The following ZC2HC1A variants were observed in gnomAD, a reference collection of about 807,000 sequenced individuals.
ZC2HC1A encodes zinc finger C2HC domain-containing protein 1A.
ZC2HC1A carries 28 observed loss-of-function variants against 40.7 expected under a neutral mutation model. The ratio of observed to expected loss-of-function variants is 0.69; its 90% CI spans 0.51 to 0.94. The LOEUF is 0.94. ZC2HC1A is among the 40% of genes least tolerant of loss of function. The pLI is 0.00. For missense variants in ZC2HC1A, 389 were observed against 386.3 expected, an observed-to-expected ratio of 1.01 and a Z score of -0.06; for synonymous variants, 129 against 129.2, an observed-to-expected ratio of 1.00 and a Z score of 0.01.
chr8:78,705,454 G>A (rs746176020), intron 7 of ZC2HC1A, among the ~76,000 whole-genome samples: 1 of 152,156 alleles, frequency 6.6e-6, no homozygotes, highest in African/African-American at 2.4e-5. Context: ...CTCCTCCTGG[G>A]AGCTTCATTT....
At chr8:78,694,919 G>A (rs1347180410) in intron 5 of ZC2HC1A, among the ~76,000 whole-genome samples, 1 of 152,050 alleles carries the variant, frequency 6.6e-6, no homozygotes, top group African/African-American at 2.4e-5. Context: ...AAAATTGTTG[G>A]TTGATAGAGT....
At chr8:78,672,296 C>T (rs1346187641) in intron 1 of ZC2HC1A, among the ~76,000 whole-genome samples, 1 of 152,034 alleles carries the variant, frequency 6.6e-6, no homozygotes. Flanking sequence ...AAAGGTACAG[C>T]CACTTTATTA....
chr8:78,670,590 A>T (rs1030963211), intron 1 of ZC2HC1A, among the ~76,000 whole-genome samples: 1 of 152,208 alleles, frequency 6.6e-6, no homozygotes, highest in African/African-American at 2.4e-5. Context: ...GATAATTCCT[A>T]GTATAAATGA....
intron 7 of ZC2HC1A, among the ~76,000 whole-genome samples, chr8:78,703,949 C>T (rs1260953105): frequency 1.3e-5 from 2 of 152,072 alleles, no homozygotes; most frequent in Non-Finnish European, 2.9e-5. Context: ...TTTAGTGCTT[C>T]CTTCAGGAGC....
intron 7 of ZC2HC1A, among the ~76,000 whole-genome samples, chr8:78,710,319 T>A (rs573393847): frequency 1.4e-4 from 21 of 152,262 alleles, no homozygotes; most frequent in African/African-American, 5.1e-4. Context: ...ATAAATCAAG[T>A]TGAATGTTAT....
rs943427757 is a variant in ZC2HC1A, at chr8:78,708,875, A to G, written c.705-6346A>G. Among the ~76,000 whole-genome samples, 30 of 151,994 alleles carry G rather than the reference A, an allele frequency of 2.0e-4. 1 individual carries two copies. The highest frequency in any genetic ancestry group is 1.8e-3 in the Admixed American group (28 of 15,244). On this transcript the variant is annotated intron_variant, in intron 7 of 8. Transcript: ENST00000263849. ...AATTTTTATGGGTTTTCACCATGTT[A>G]GGCTGGTCTCAAACTTCCGACCTCA...
chr8:78,692,585 G>C (rs1400131697), intron 5 of ZC2HC1A, among the ~76,000 whole-genome samples: 1 of 152,082 alleles, frequency 6.6e-6, no homozygotes, highest in Non-Finnish European at 1.5e-5. Context: ...GGAGCAGTAA[G>C]GAGGTCTAAG....
intron 5 of ZC2HC1A, among the ~76,000 whole-genome samples, chr8:78,691,705 A>G (rs1001952888): frequency 3.3e-5 from 5 of 151,906 alleles, no homozygotes; most frequent in African/African-American, 1.2e-4. Flanking sequence ...TCTAGCTGTA[A>G]TTCTTTGCAT....
intron 5 of ZC2HC1A, among the ~76,000 whole-genome samples, chr8:78,696,533 T>C (rs187880067): frequency 6.6e-6 from 1 of 152,310 alleles, no homozygotes; most frequent in East Asian, 1.9e-4. Flanking sequence ...ATCAGTAAGA[T>C]ACTTTTATTG....
intron 4 of ZC2HC1A, 118 bp downstream of exon 4, chr8:78,686,726 T>A: frequency 8.8e-7 from 1 of 1,133,728 alleles, no homozygotes; most frequent in Non-Finnish European, 1.1e-6. Context: ...AGGCATAATC[T>A]TTAAAATTTG....
chr8:78,712,104 C>T, intron 7 of ZC2HC1A: 1 of 1,280,810 alleles, frequency 7.8e-7, no homozygotes, highest in South Asian at 1.2e-5. Context: ...TACCTATTTA[C>T]AAGTAAGTAT....
rs1412533744 is a variant in ZC2HC1A, at chr8:78,673,134, C to G, written c.17-2653C>G. The stretch of plus-strand genomic sequence containing the variant: ...CCTGTGTCCATGTGTTCTCATTGTT[C>G]AGCTCCCACTTATGAATAAGAACAT... On this transcript the variant is annotated intron_variant, in intron 1 of 8. Transcript: ENST00000263849. Among the ~76,000 whole-genome samples, 6 of 152,088 alleles carry G rather than the reference C, an allele frequency of 3.9e-5. No individual in the cohort carries two copies. In the South Asian group the frequency reaches 1.2e-3, roughly 32 times the overall value.
chr8:78,719,298 A>G lies in ZC2HC1A; in HGVS notation c.*1805A>G, dbSNP rs1041453475. On this transcript the variant is annotated 3_prime_UTR_variant, in exon 9 of 9. Coordinates refer to ENST00000263849, the MANE Select transcript of ZC2HC1A (RefSeq NM_016010.3). Reference sequence around the variant, plus strand: ...GAAAGGATAGATAAATAATTGGCACACATTTGTTTCTCACTGAATTTTACA... The same window carrying G: ...GAAAGGATAGATAAATAATTGGCACGCATTTGTTTCTCACTGAATTTTACA... 1.4e-4 allele frequency: 22 copies of G among 151,784 alleles called. No homozygotes were observed. Among genetic ancestry groups the G allele is most frequent in the Admixed American group, 7.9e-4 (12 of 15,236 alleles). 9.4% of individuals were successfully genotyped at this position (151,784 alleles called of 1,614,324 possible).
intron 3 of ZC2HC1A, chr8:78,679,240 A>T (rs1809684949): frequency 6.6e-6 from 1 of 152,154 alleles, no homozygotes; most frequent in African/African-American, 2.4e-5. Flanking sequence ...AAAGCAATGA[A>T]TCTATTGTGA....
In ZC2HC1A at chr8:78,666,111, T is replaced by A; in HGVS notation, c.-38T>A. The stretch of plus-strand genomic sequence containing the variant: ...GCCAGAGCTGGGCGGTGGCGGGCGC[T>A]GCTGAAGGAGTCTCGCTGAGCTCGA... On this transcript the variant is annotated 5_prime_UTR_variant, in exon 1 of 9. Transcript: ENST00000263849. 1.3e-6 allele frequency: 2 copies of A among 1,559,620 alleles called. No individual in the cohort carries two copies. Among genetic ancestry groups the A allele is most frequent in the Non-Finnish European group, 1.7e-6 (2 of 1,151,716 alleles).
At chr8:78,714,676 C>T (rs1371010797) in intron 7 of ZC2HC1A, among the ~76,000 whole-genome samples, 32 of 152,222 alleles carry the variant, frequency 2.1e-4, no homozygotes, top group South Asian at 2.1e-4. Flanking sequence ...CCTCTGATTT[C>T]GGATAGCCCA....
chr8:78,719,366 G>C lies in ZC2HC1A; in HGVS notation c.*1873G>C, dbSNP rs184817119. 6.6e-6 allele frequency: 1 copy of C among 151,632 alleles called. No individual in the cohort carries two copies. The highest frequency in any genetic ancestry group is 1.5e-5 in the Non-Finnish European group (1 of 67,644). 9.4% of individuals were successfully genotyped at this position (151,632 alleles called of 1,614,324 possible). ...TAATGTACCACATGGAGATGAGTTG[G>C]TAAGAAATCATCTAGTTCCAGAGCC... On this transcript the variant is annotated 3_prime_UTR_variant, in exon 9 of 9. Coordinates refer to ENST00000263849, the MANE Select transcript of ZC2HC1A (RefSeq NM_016010.3).
chr8:78,671,054 C>T (rs1362198765), intron 1 of ZC2HC1A, among the ~76,000 whole-genome samples: 4 of 152,168 alleles, frequency 2.6e-5, no homozygotes, highest in African/African-American at 9.7e-5. Flanking sequence ...GACTTACCAG[C>T]AGTGAGGAGA....
chr8:78,709,518 G>A (rs905546074), intron 7 of ZC2HC1A, among the ~76,000 whole-genome samples: 1 of 152,040 alleles, frequency 6.6e-6, no homozygotes, highest in Non-Finnish European at 1.5e-5. Context: ...TGGATAGGGA[G>A]CTAACTTTGC....
Sources: allele counts gnomAD v4.1 joint callset (sites outside exome capture counted in the v4.1 genomes callset), GRCh38; gene constraint gnomAD v4.1.1; transcripts MANE v1.5; gene names NCBI Gene and HGNC (gene_info 2026-07-23, HGNC 2026-07-21).